ENOX1: variants seen among roughly 807,000 people sequenced by gnomAD.
The protein encoded by ENOX1 is ecto-NOX disulfide-thiol exchanger 1.
In ENOX1, 42 loss-of-function variants were observed where a neutral mutation model predicts 82.5. That is an observed-to-expected ratio of 0.51 (90% CI 0.40 to 0.66). The LOEUF (loss-of-function observed/expected upper bound fraction) is 0.66. Ranked by LOEUF, ENOX1 falls within the 30% of genes least tolerant of loss-of-function variation. ENOX1 has a pLI of 0.00. For missense variants in ENOX1, 608 were observed against 811.6 expected (o/e 0.75, Z 3.05); for synonymous variants, 271 against 282.2 (o/e 0.96, Z 0.40).
intron 12 of ENOX1, among the ~76,000 whole-genome samples, chr13:43,275,615 TTTC>T (rs1406702884): frequency 2.0e-5 from 3 of 152,176 alleles, no homozygotes; most frequent in Non-Finnish European, 4.4e-5. Context: ...CACAATTTCT[TTTC>T]TTCTTCTGTT....
intron 12 of ENOX1, among the ~76,000 whole-genome samples, chr13:43,278,796 T>C (rs9533440): frequency 0.15 from 22,399 of 152,178 alleles, 1,984 homozygotes; most frequent in Non-Finnish European, 0.21. Flanking sequence ...AAGAAAACTA[T>C]TGAATAGATA....
chr13:43,215,717 C>A (rs1288292602), intron 16 of ENOX1, among the ~76,000 whole-genome samples: 1 of 152,044 alleles, frequency 6.6e-6, no homozygotes, highest in Non-Finnish European at 1.5e-5. Flanking sequence ...CAGGGGTGAA[C>A]AACCAGGGGT....
intron 2 of ENOX1, among the ~76,000 whole-genome samples, chr13:43,612,788 G>T (rs1594094342): frequency 6.6e-6 from 1 of 152,104 alleles, no homozygotes; most frequent in African/African-American, 2.4e-5. Flanking sequence ...TTCCACTTCA[G>T]CATAGTACTT....
chr13:43,360,250 C>G (rs2050411574), intron 6 of ENOX1, among the ~76,000 whole-genome samples, 193 bp from the exon 7 acceptor site: 1 of 152,200 alleles, frequency 6.6e-6, no homozygotes, highest in Admixed American at 6.5e-5. Flanking sequence ...CCTTTACTTT[C>G]TGTGTTCATT....
intron 1 of ENOX1, among the ~76,000 whole-genome samples, chr13:43,709,400 T>C (rs1179839197): frequency 6.6e-6 from 1 of 152,020 alleles, no homozygotes; most frequent in Non-Finnish European, 1.5e-5. Flanking sequence ...AAATAACCAT[T>C]ACAGAAGAAA....
At chr13:43,580,811 G>A (rs1030485635) in intron 2 of ENOX1, among the ~76,000 whole-genome samples, 1 of 152,336 alleles carries the variant, frequency 6.6e-6, no homozygotes, top group Admixed American at 6.5e-5. Flanking sequence ...TGTATGTACA[G>A]AAATTTGCTT....
chr13:43,677,302 C>A (rs910266862), intron 1 of ENOX1, among the ~76,000 whole-genome samples: 1 of 152,070 alleles, frequency 6.6e-6, no homozygotes, highest in Non-Finnish European at 1.5e-5. Context: ...CAATGGGAGG[C>A]AGGGAGAGCA....
At chr13:43,357,328 T>C (rs1159279500) in intron 7 of ENOX1, among the ~76,000 whole-genome samples, 1 of 152,206 alleles carries the variant, frequency 6.6e-6, no homozygotes, top group Non-Finnish European at 1.5e-5. Context: ...TGAAAATCTC[T>C]GTAGAGGCTG....
intron 5 of ENOX1, among the ~76,000 whole-genome samples, chr13:43,387,119 C>G (rs2052462925): frequency 6.6e-6 from 1 of 152,166 alleles, no homozygotes; most frequent in Non-Finnish European, 1.5e-5. Context: ...CAACTTTGAA[C>G]AGGACAGACT....
intron 3 of ENOX1, among the ~76,000 whole-genome samples, chr13:43,482,590 C>G (rs2058547578): frequency 6.6e-6 from 1 of 150,476 alleles, no homozygotes; most frequent in Non-Finnish European, 1.5e-5. Flanking sequence ...AAAGTATGGA[C>G]TTAAAAATTT....
At chr13:43,312,808 G>T (rs2047281609) in intron 11 of ENOX1, among the ~76,000 whole-genome samples, 1 of 152,154 alleles carries the variant, frequency 6.6e-6, no homozygotes, top group African/African-American at 2.4e-5. Flanking sequence ...AGAGTTTGCT[G>T]GGTGCGTTGC....
chr13:43,417,974 C>A (rs568684746), intron 3 of ENOX1, among the ~76,000 whole-genome samples: 1 of 150,718 alleles, frequency 6.6e-6, no homozygotes, highest in African/African-American at 2.4e-5. Flanking sequence ...TTTGGGAGGC[C>A]GAGGCGGGTG....
At chr13:43,341,630 G>A (rs143582063) in intron 9 of ENOX1, among the ~76,000 whole-genome samples, 14 of 152,258 alleles carry the variant, frequency 9.2e-5, no homozygotes, top group African/African-American at 3.4e-4. Flanking sequence ...ATACTCAAAC[G>A]GTTTACTGGG....
At position 43,777,298 on chromosome 13, in the gene ENOX1, T is replaced by C. The variant is rs73189996; in HGVS notation, c.-285+9354A>G. 6.7e-3 allele frequency among the ~76,000 whole-genome samples: 1,013 copies of C among 152,154 alleles called. 7 individuals carry two copies. The highest frequency in any genetic ancestry group is 0.011 in the Non-Finnish European group (770 of 67,982). On this transcript the variant is annotated intron_variant, in intron 1 of 16. Coordinates refer to ENST00000690772, the MANE Select transcript of ENOX1 (RefSeq NM_001347969.2). ...GACTAGTCCAAACACGTGAAAAAAA[T>C]TCTTAAGAAAAATTCTACACTAAAA...
intron 9 of ENOX1, among the ~76,000 whole-genome samples, chr13:43,333,300 C>T (rs1289100904): frequency 1.3e-5 from 2 of 152,156 alleles, no homozygotes; most frequent in East Asian, 3.8e-4. Flanking sequence ...TTTCTCTTAC[C>T]CTTTGCCAAC....
intron 1 of ENOX1, among the ~76,000 whole-genome samples, chr13:43,751,569 G>A (rs747482045): frequency 6.6e-6 from 1 of 152,146 alleles, no homozygotes; most frequent in Non-Finnish European, 1.5e-5. Context: ...GGGAACGACT[G>A]ATCTGCTTTC....
intron 2 of ENOX1, among the ~76,000 whole-genome samples, chr13:43,587,681 G>A (rs1022856701): frequency 6.6e-6 from 1 of 152,132 alleles, no homozygotes; most frequent in South Asian, 2.1e-4. Context: ...ATCTTGACTT[G>A]ATGTTCCACT....
At chr13:43,611,012 GTTA>G (rs1796412923) in intron 2 of ENOX1, among the ~76,000 whole-genome samples, 1 of 152,028 alleles carries the variant, frequency 6.6e-6, no homozygotes, top group Non-Finnish European at 1.5e-5. Flanking sequence ...ATAATTTTTT[GTTA>G]TTATTATCAA....
At chr13:43,482,492 T>C (rs1045943535) in intron 3 of ENOX1, among the ~76,000 whole-genome samples, 2 of 152,178 alleles carry the variant, frequency 1.3e-5, no homozygotes, top group African/African-American at 4.8e-5. Context: ...AACAGGGAGT[T>C]GCTTTACAAC....
Sources: allele counts gnomAD v4.1 joint callset (sites outside exome capture counted in the v4.1 genomes callset), GRCh38; gene constraint gnomAD v4.1.1; transcripts MANE v1.5; gene names NCBI Gene and HGNC (gene_info 2026-07-23, HGNC 2026-07-21).